The following TTC14 variants were observed in gnomAD, a reference collection of about 807,000 sequenced individuals.
TTC14 encodes the protein tetratricopeptide repeat domain 14.
A neutral mutation model predicts 79.9 loss-of-function variants in TTC14; 63 were observed. The observed-to-expected ratio is 0.79, with a 90% confidence interval of 0.64 to 0.97. The LOEUF (loss-of-function observed/expected upper bound fraction) is 0.97. Among genes scored for constraint, TTC14 ranks in the 50% least tolerant of loss-of-function variants. The pLI is 0.00. For missense variants in TTC14, 895 were observed against 894.0 expected (o/e 1.00, Z -0.01); for synonymous variants, 335 against 309.6 (o/e 1.08, Z -0.86).
chr3:180,608,394 CTTT>C (rs34053470), intron 10 of TTC14: 17 of 933,106 alleles, frequency 1.8e-5, no homozygotes, highest in East Asian at 1.2e-4. Flanking sequence ...TTTTTATGTA[CTTT>C]TTTTTTTTTT....
At chr3:180,613,964 T>C, downstream of TTC14, 1 of 396,748 alleles carries the variant, frequency 2.5e-6, no homozygotes, top group Non-Finnish European at 4.9e-6. Context: ...ACAGTTGTAA[T>C]GAGCATTTTT....
At chr3:180,613,417 C>T (rs759499752), downstream of TTC14, among the ~76,000 whole-genome samples, 9 of 152,170 alleles carry the variant, frequency 5.9e-5, no homozygotes, top group Non-Finnish European at 1.2e-4. Context: ...AATGTAGATT[C>T]GTATGCTGGC....
At chr3:180,604,452 T>C in intron 4 of TTC14, 26 bp from the exon 5 acceptor site, 1 of 1,576,494 alleles carries the variant, frequency 6.3e-7, no homozygotes, top group Non-Finnish European at 8.6e-7. Flanking sequence ...ACTAATCAGC[T>C]TAGTTCTCTT....
chr3:180,616,821 G>T (rs777030873), intron 12 of TTC14: 1 of 1,608,768 alleles, frequency 6.2e-7, no homozygotes, highest in Admixed American at 1.7e-5. Flanking sequence ...AAAAGATATC[G>T]ATACCTGTTT....
chr3:180,616,385 A>G, intron 12 of TTC14: 1 of 1,595,304 alleles, frequency 6.3e-7, no homozygotes, highest in Non-Finnish European at 8.6e-7. Flanking sequence ...TTCAATAGCA[A>G]TCATTAGTAC....
At position 180,610,583 on chromosome 3, in the gene TTC14, A is replaced by T. The variant is rs763710963; in HGVS notation, c.*41A>T. The T allele has an allele frequency of 3.3e-6, 5 of 1,521,374 alleles. No individual in the cohort carries two copies. Among genetic ancestry groups the T allele is most frequent in the Non-Finnish European group, 4.4e-6 (5 of 1,142,574 alleles). The allele number at this position is 1,521,374 out of a possible 1,614,324, so 94.2% of individuals were successfully genotyped here. A position where few individuals can be genotyped will look rare whatever the true frequency, so the allele number is the denominator to read the frequency against. On this transcript the variant is annotated 3_prime_UTR_variant, in exon 12 of 12. Transcript: ENST00000296015. The stretch of plus-strand genomic sequence containing the variant: ...GGCACCATTACACAAAATGCCATTA[A>T]GTGAAGTTTTTGGTTGTATTAGTCA...
chr3:180,608,730 T>C lies in TTC14; in HGVS notation c.1320T>C (p.Ala440=), dbSNP rs1377072121. 1.4e-5 allele frequency: 21 copies of C among 1,548,270 alleles called. No homozygotes were observed. Among genetic ancestry groups the C allele is most frequent in the Middle Eastern group, 1.7e-4 (1 of 5,816 alleles). ...QKSLELREKQ[A]EKEEKQKTKK... is the part of the protein sequence containing the mutation. ...CTTTGGAATTAAGAGAAAAACAAGC[T>C]GAAAAGGAAGAAAAGCAGAAAACAA... Residue 440 remains alanine (A), a synonymous_variant, in exon 11 of 12, where the codon GCT becomes GCC. Coordinates refer to ENST00000296015, the MANE Select transcript of TTC14 (RefSeq NM_133462.4).
At chr3:180,615,727 T>C (rs1473046858), downstream of TTC14, among the ~76,000 whole-genome samples, 1 of 152,092 alleles carries the variant, frequency 6.6e-6, no homozygotes, top group African/African-American at 2.4e-5. Context: ...TCATTATTAA[T>C]AAATTTTTGT....
intron 6 of TTC14, 118 bp from the exon 7 acceptor site, chr3:180,605,648 G>A: frequency 1.5e-6 from 1 of 652,922 alleles, no homozygotes; most frequent in East Asian, 3.2e-5. Flanking sequence ...TAAATAGAAT[G>A]CAGATTTCTT....
At position 180,616,743 on chromosome 3, in the gene TTC14, T is replaced by C. The variant is rs752498554; in HGVS notation, c.1775-637T>C. 6 of 1,568,102 alleles carry C rather than the reference T, an allele frequency of 3.8e-6. No homozygotes were observed. In the African/African-American group the frequency reaches 6.8e-5, roughly 18 times the overall value. On this transcript the variant is annotated intron_variant, in intron 12 of 12. Transcript: ENST00000382584. Reference sequence around the variant, plus strand: ...TATTCTATAAACGTGTTTACCAGAATTTAATATTTTTAATAGATGAAGGAG... The same window carrying C: ...TATTCTATAAACGTGTTTACCAGAACTTAATATTTTTAATAGATGAAGGAG...
chr3:180,609,007 T>C, intron 11 of TTC14, 197 bp downstream of exon 11: 1 of 1,105,086 alleles, frequency 9.0e-7, no homozygotes, highest in Non-Finnish European at 1.1e-6. Context: ...GCTAGAATTC[T>C]ACAAAAAAAG....
chr3:180,603,393 T>C, intron 3 of TTC14, 70 bp downstream of exon 3: 1 of 1,302,874 alleles, frequency 7.7e-7, no homozygotes, highest in Non-Finnish European at 1.1e-6. Context: ...ACTATATCTT[T>C]GCATGCAGTT....
At position 180,602,254 on chromosome 3, in the gene TTC14, C is replaced by T. The variant is rs376691823; in HGVS notation, c.-8C>T. The T allele has an allele frequency of 3.1e-6, 5 of 1,613,546 alleles. No individual in the cohort carries two copies. In the Admixed American group the frequency reaches 5.0e-5, roughly 16 times the overall value. ...CCCGTCGGCCTCCGGGCCCTGCATT[C>T]TCTAGCCATGGACCGGGACCTTTTG... is the stretch of plus-strand genomic sequence containing the variant. On this transcript the variant is annotated 5_prime_UTR_variant, in exon 1 of 12. Transcript: ENST00000296015.
chr3:180,611,189 C>G (rs551844811), downstream of TTC14: 1,111 of 984,480 alleles, frequency 1.1e-3, 2 homozygotes, highest in Non-Finnish European at 1.2e-3. Context: ...GAATAGGAGC[C>G]CATTTTGCTT....
chr3:180,609,397 G>C, intron 11 of TTC14: 1 of 1,204,404 alleles, frequency 8.3e-7, no homozygotes, highest in Non-Finnish European at 1.0e-6. Context: ...GTTGAAAAAA[G>C]TCTGTCTTTC....
intron 10 of TTC14, chr3:180,608,177 T>C (rs1189989012): frequency 1.0e-6 from 1 of 999,010 alleles, no homozygotes; most frequent in African/African-American, 1.7e-5. Flanking sequence ...CTGCTGTGTC[T>C]GTGACATCTG....
intron 12 of TTC14, chr3:180,617,002 C>A: frequency 9.0e-7 from 1 of 1,113,730 alleles, no homozygotes; most frequent in South Asian, 1.8e-5. Flanking sequence ...TTTTTAGAAT[C>A]AGAAATTGAC....
In TTC14 at chr3:180,604,529, A is replaced by G. The variant is rs755895983; in HGVS notation, c.623A>G (p.Tyr208Cys). ...RYHEKLAVSLYSSSLPPHLSG... is the reference protein window; with the variant it reads ...RYHEKLAVSLCSSSLPPHLSG... Reference sequence around the variant, plus strand: ...CATGAAAAGCTAGCAGTATCTCTGTATAGCTCTTCTCTTCCACCACACCTA... The same window carrying G: ...CATGAAAAGCTAGCAGTATCTCTGTGTAGCTCTTCTCTTCCACCACACCTA... The change falls in exon 5 of 12, where the codon TAT becomes TGT. Residue 208 changes from tyrosine to cysteine, a missense_variant. Tyr to Cys is a radical substitution (Grantham distance 194, BLOSUM62 -2). Coordinates refer to ENST00000296015, the MANE Select transcript of TTC14 (RefSeq NM_133462.4). The G allele has an allele frequency of 5.0e-6, 8 of 1,610,982 alleles. No individual in the cohort carries two copies. The highest frequency in any genetic ancestry group is 2.2e-5 in the East Asian group (1 of 44,734).
chr3:180,613,128 A>C (rs1717092317), downstream of TTC14, among the ~76,000 whole-genome samples: 1 of 152,216 alleles, frequency 6.6e-6, no homozygotes, highest in Non-Finnish European at 1.5e-5. Context: ...TAGGCGCAAA[A>C]GTAATTGCAG....
Sources: gnomAD v4.1 joint callset for allele counts (sites outside exome capture counted in the v4.1 genomes callset) on GRCh38, gnomAD v4.1.1 for gene constraint, MANE v1.5 for transcripts, NCBI Gene and HGNC (gene_info 2026-07-23, HGNC 2026-07-21) for gene names.